Variants in SYT13 observed in about 807,000 individuals in gnomAD.
The protein encoded by SYT13 is synaptotagmin-13.
In SYT13, 21 loss-of-function variants were observed where a neutral mutation model predicts 38.6. The ratio of observed to expected loss-of-function variants is 0.54; its 90% confidence interval spans 0.39 to 0.78. The LOEUF (loss-of-function observed/expected upper bound fraction) is 0.78, where lower values mean the gene tolerates loss of function less well. SYT13 is among the 30% of genes least tolerant of loss of function. SYT13 has a pLI of 0.00. For synonymous variants in SYT13, 241 were observed against 237.6 expected (o/e 1.01, Z -0.13); for missense variants, 495 against 548.7 (o/e 0.90, Z 0.98).
At position 45,246,367 on chromosome 11, in the gene SYT13, C is replaced by G. The variant is rs756299292; in HGVS notation, c.976+16G>C. The G allele has an allele frequency of 6.2e-7, 1 of 1,613,016 alleles. No individual in the cohort carries two copies. The highest frequency in any genetic ancestry group is 1.3e-5 in the African/African-American group (1 of 75,022). Reference sequence around the variant, plus strand: ...TAGCTGGAGGGGCCTTGGCCATCCTCTCACATCTCACTCACCCTTCCCCAG... The same window carrying G: ...TAGCTGGAGGGGCCTTGGCCATCCTGTCACATCTCACTCACCCTTCCCCAG... On this transcript the variant is annotated intron_variant, in intron 5 of 5. Coordinates refer to ENST00000020926, the MANE Select transcript of SYT13 (RefSeq NM_020826.3).
intron 1 of SYT13, among the ~76,000 whole-genome samples, chr11:45,276,664 G>T (rs1157001450): frequency 6.7e-6 from 1 of 149,354 alleles, no homozygotes; most frequent in Non-Finnish European, 1.5e-5. Flanking sequence ...TAAAAGCTCA[G>T]AAAATACCGC....
chr11:45,273,865 T>A (rs908492360), intron 1 of SYT13, among the ~76,000 whole-genome samples: 1 of 152,262 alleles, frequency 6.6e-6, no homozygotes, highest in Non-Finnish European at 1.5e-5. Flanking sequence ...AGTCATTGCT[T>A]TGGTAAAGGA....
chr11:45,283,720 G>T (rs1045002400), intron 1 of SYT13, among the ~76,000 whole-genome samples: 5 of 152,210 alleles, frequency 3.3e-5, no homozygotes, highest in Non-Finnish European at 7.3e-5. Flanking sequence ...AATATTTATT[G>T]TGCCCCTATT....
At position 45,255,699 on chromosome 11, in the gene SYT13, C is replaced by T. The variant is rs1460604592; in HGVS notation, c.376G>A (p.Val126Ile). 1 of 1,614,172 alleles carries T rather than the reference C, an allele frequency of 6.2e-7. No homozygotes were observed. Among genetic ancestry groups the T allele is most frequent in the Non-Finnish European group, 8.5e-7 (1 of 1,180,034 alleles). ...PPNDSRLKRQVTEELFILPQN... is the reference protein window; with the variant it reads ...PPNDSRLKRQITEELFILPQN... Reference sequence around the variant, plus strand: ...GGGAGGATGAACAGCTCCTCTGTGACCTGCCTCTTGAGGCGACTGTCATTC... The same window carrying T: ...GGGAGGATGAACAGCTCCTCTGTGATCTGCCTCTTGAGGCGACTGTCATTC... Residue 126 changes from valine to isoleucine, a missense_variant, in exon 2 of 6, where the codon GTC becomes ATC. Coordinates refer to ENST00000020926, the MANE Select transcript of SYT13 (RefSeq NM_020826.3).
At position 45,286,258 on chromosome 11, in the gene SYT13, G is replaced by A. The variant is rs1450393504; in HGVS notation, c.-51C>T. The stretch of plus-strand genomic sequence containing the variant: ...GGTCCCGCAGCCGCTCACCTTCCCC[G>A]GGCCGGGCCCGCCTCCAGGCAGCTC... On this transcript the variant is annotated 5_prime_UTR_variant, in exon 1 of 6. Transcript: ENST00000020926. 22 of 1,474,948 alleles carry A rather than the reference G, an allele frequency of 1.5e-5. No individual in the cohort carries two copies. Among genetic ancestry groups the A allele is most frequent in the Non-Finnish European group, 1.9e-5 (21 of 1,116,226 alleles). The allele number at this position is 1,474,948 out of a possible 1,614,324, so 91.4% of individuals were successfully genotyped here.
intron 5 of SYT13, among the ~76,000 whole-genome samples, chr11:45,245,052 T>C (rs1158623320): frequency 6.6e-6 from 1 of 152,240 alleles, no homozygotes; most frequent in South Asian, 2.1e-4. Flanking sequence ...GATCCCCTGC[T>C]GGTTGGTTGA....
chr11:45,240,813 AC>A lies in SYT13; in HGVS notation c.*3238del, dbSNP rs1318099355. On this transcript the variant is annotated 3_prime_UTR_variant, in exon 6 of 6. Transcript: ENST00000020926. Reference sequence around the variant, plus strand: ...ACAGTGCATTCTGAAATGGTCTCTCACCTTATTTTTACCTCTACCTCACACC... The same window carrying A: ...ACAGTGCATTCTGAAATGGTCTCTCACTTATTTTTACCTCTACCTCACACC... 1 of 152,198 alleles carries A rather than the reference AC, an allele frequency of 6.6e-6. No homozygotes were observed. The highest frequency in any genetic ancestry group is 1.5e-5 in the Non-Finnish European group (1 of 68,032). 9.4% of individuals were successfully genotyped at this position (152,198 alleles called of 1,614,324 possible).
At chr11:45,248,717 C>T (rs903132172) in intron 4 of SYT13, among the ~76,000 whole-genome samples, 4 of 152,182 alleles carry the variant, frequency 2.6e-5, no homozygotes, top group Non-Finnish European at 5.9e-5. Context: ...CCACAGGTAG[C>T]CCGGGCTATA....
Position 45,270,042 on chromosome 11 carries a change from C to G in SYT13, c.184-14151G>C, listed in dbSNP as rs113539760. On this transcript the variant is annotated intron_variant, in intron 1 of 5. Transcript: ENST00000020926. ...AGCCACCCTACCCTTATTTTCCCATCTCCAGTGGCCACAACAAGGCTGTCA... is the reference window on the plus strand; with the variant it reads ...AGCCACCCTACCCTTATTTTCCCATGTCCAGTGGCCACAACAAGGCTGTCA... Among the ~76,000 whole-genome samples the G allele has an allele frequency of 1.7e-3, 261 of 152,318 alleles. 3 individuals are homozygous for G. The highest frequency in any genetic ancestry group is 3.1e-3 in the Non-Finnish European group (209 of 68,032).
chr11:45,272,408 C>T (rs1854960376), intron 1 of SYT13, among the ~76,000 whole-genome samples: 2 of 152,148 alleles, frequency 1.3e-5, no homozygotes, highest in African/African-American at 4.8e-5. Flanking sequence ...GCAGTCTCTG[C>T]CATGTTTGGG....
intron 1 of SYT13, 170 bp downstream of exon 1, chr11:45,285,855 C>A: frequency 2.1e-6 from 1 of 469,548 alleles, no homozygotes; most frequent in Admixed American, 2.4e-5. Context: ...CCTCCCCCAT[C>A]CCCCTACCTT....
intron 1 of SYT13, among the ~76,000 whole-genome samples, chr11:45,268,434 T>G (rs1450674996): frequency 6.6e-6 from 1 of 151,830 alleles, no homozygotes; most frequent in Admixed American, 6.6e-5. Flanking sequence ...TACTAAGAAT[T>G]TGAGGGTCAG....
chr11:45,249,998 C>T (rs867775203), intron 4 of SYT13, among the ~76,000 whole-genome samples: 10 of 152,102 alleles, frequency 6.6e-5, no homozygotes, highest in East Asian at 5.8e-4. Flanking sequence ...AACTGGGCAC[C>T]GTGGGCAAGT....
chr11:45,267,510 G>C (rs1854898833), intron 1 of SYT13, among the ~76,000 whole-genome samples: 1 of 152,118 alleles, frequency 6.6e-6, no homozygotes, highest in Non-Finnish European at 1.5e-5. Context: ...GGAGCCTAAG[G>C]ACGCCTTGCT....
Position 45,271,700 on chromosome 11 carries a change from G to A in SYT13, c.183+14325C>T, listed in dbSNP as rs1296034501. Among the ~76,000 whole-genome samples, 16 of 152,230 alleles carry A rather than the reference G, an allele frequency of 1.1e-4. 1 individual carries two copies. Among genetic ancestry groups the A allele is most frequent in the Admixed American group, 1.0e-3 (16 of 15,290 alleles). ...AAATGAAACCAGCAGGTTCATACAG[G>A]AGGGATGGACGGATGTGGAGGAAAC... On this transcript the variant is annotated intron_variant, in intron 1 of 5. Transcript: ENST00000020926.
intron 1 of SYT13, among the ~76,000 whole-genome samples, chr11:45,273,259 A>C (rs1422782784): frequency 1.3e-5 from 2 of 152,178 alleles, no homozygotes; most frequent in Non-Finnish European, 2.9e-5. Context: ...TGCCGAAGGG[A>C]GACAGTGGCC....
chr11:45,286,224 G>A lies in SYT13; in HGVS notation c.-17C>T. The A allele has an allele frequency of 6.5e-7, 1 of 1,528,764 alleles. No homozygotes were observed. The highest frequency in any genetic ancestry group is 8.8e-7 in the Non-Finnish European group (1 of 1,140,108). The allele number at this position is 1,528,764 out of a possible 1,614,324, so 94.7% of individuals were successfully genotyped here. Reference sequence around the variant, plus strand: ...CAGCACCATGGTGCCCGCTCCCGGCGAGGGGCTGGGTCCCGCAGCCGCTCA... The same window carrying A: ...CAGCACCATGGTGCCCGCTCCCGGCAAGGGGCTGGGTCCCGCAGCCGCTCA... On this transcript the variant is annotated 5_prime_UTR_variant, in exon 1 of 6. Coordinates refer to ENST00000020926, the MANE Select transcript of SYT13 (RefSeq NM_020826.3).
chr11:45,244,809 A>T (rs913271991), intron 5 of SYT13, among the ~76,000 whole-genome samples: 1 of 152,198 alleles, frequency 6.6e-6, no homozygotes, highest in African/African-American at 2.4e-5. Context: ...GGCCAATACC[A>T]TGATATAGAA....
At chr11:45,267,547 C>G (rs1433991185) in intron 1 of SYT13, among the ~76,000 whole-genome samples, 1 of 152,122 alleles carries the variant, frequency 6.6e-6, no homozygotes, top group Non-Finnish European at 1.5e-5. Flanking sequence ...TGGGGGAGCC[C>G]CAAACATCCA....
Sources: allele counts gnomAD v4.1 joint callset (sites outside exome capture counted in the v4.1 genomes callset), GRCh38; gene constraint gnomAD v4.1.1; transcripts MANE v1.5; gene names NCBI Gene and HGNC (gene_info 2026-07-23, HGNC 2026-07-21).